Variants in PHF3 observed in about 807,000 individuals in gnomAD.
PHF3 encodes the protein PHD finger protein 3.
Under a neutral mutation model 178.4 loss-of-function variants are expected in PHF3, and 41 were observed. The ratio of observed to expected loss-of-function variants is 0.23; its 90% CI spans 0.18 to 0.30. PHF3 has a LOEUF of 0.30. PHF3 is among the 10% of genes least tolerant of loss of function. The pLI is 1.00. For synonymous variants in PHF3, 842 were observed against 800.5 expected, an observed-to-expected ratio of 1.05 and a Z score of -0.88; for missense variants, 2,346 against 2,398.1, an observed-to-expected ratio of 0.98 and a Z score of 0.45.
chr6:63,650,138 C>G (rs1033053862), intron 2 of PHF3, among the ~76,000 whole-genome samples: 1 of 152,114 alleles, frequency 6.6e-6, no homozygotes, highest in Non-Finnish European at 1.5e-5. Flanking sequence ...TATAGTTCAA[C>G]ATTGTTTTAA....
At position 63,713,019 on chromosome 6, in the gene PHF3, A is replaced by G. The variant is rs769564586; in HGVS notation, c.5431A>G (p.Ser1811Gly). Reference protein sequence around the residue: ...QQPNLQHLKSSPPGFPFPGPP... With the variant: ...QQPNLQHLKSGPPGFPFPGPP... The stretch of plus-strand genomic sequence containing the variant: ...GCCCAACCTTCAGCATCTCAAGTCT[A>G]GCCCACCTGGATTTCCATTTCCAGG... The change falls in exon 16 of 16, where the codon AGC (serine) becomes GGC (glycine). Residue 1811 changes from serine (S) to glycine (G), a missense_variant. Ser to Gly is a moderately conservative substitution (Grantham distance 56). This residue lies in a region of PHF3 where 839 missense variants were observed against 806.9 expected (regional missense o/e 1.04). Transcript: ENST00000262043. The G allele has an allele frequency of 4.3e-6, 7 of 1,614,008 alleles. No individual in the cohort carries two copies. The South Asian group carries it at 6.6e-5, about 15-fold the overall frequency.
chr6:63,720,355 A>G lies in PHF3; in HGVS notation c.*6647A>G, dbSNP rs946730344. The G allele has an allele frequency of 1.4e-5, 6 of 428,068 alleles. No individual in the cohort carries two copies. Among genetic ancestry groups the G allele is most frequent in the Admixed American group, 3.9e-5 (1 of 25,430 alleles). The allele number at this position is 428,068 out of a possible 1,614,324, so 26.5% of individuals were successfully genotyped here. ...CAAAGTGAATAAGCACATTCTGTGAATAAGCACTGAACTAATGGAGTTAAA... is the reference window on the plus strand; with the variant it reads ...CAAAGTGAATAAGCACATTCTGTGAGTAAGCACTGAACTAATGGAGTTAAA... On this transcript the variant is annotated 3_prime_UTR_variant, in exon 16 of 16. Coordinates refer to ENST00000262043, the MANE Select transcript of PHF3 (RefSeq NM_001370348.2).
chr6:63,700,344 T>C lies in PHF3; in HGVS notation c.2983-6T>C. 1 of 1,387,692 alleles carries C rather than the reference T, an allele frequency of 7.2e-7. No individual in the cohort carries two copies. Among genetic ancestry groups the C allele is most frequent in the Non-Finnish European group, 1.0e-6 (1 of 986,632 alleles). The allele number at this position is 1,387,692 out of a possible 1,614,324, so 86.0% of individuals were successfully genotyped here. ...CCCTTCTATTCCTATTTTAAAATCC[T>C]TCCAGATATTATTTAAAAAAGTACT... On this transcript the variant is annotated splice_polypyrimidine_tract_variant and splice_region_variant and intron_variant, in intron 8 of 15. Coordinates refer to ENST00000262043, the MANE Select transcript of PHF3 (RefSeq NM_001370348.2).
chr6:63,680,160 A>G lies in PHF3; in HGVS notation c.405A>G (p.Gln135=). The G allele has an allele frequency of 6.2e-7, 1 of 1,600,248 alleles. No homozygotes were observed. The highest frequency in any genetic ancestry group is 8.5e-7 in the Non-Finnish European group (1 of 1,174,684). ...SPRKSPRLMA[Q]EQVRSLRQST... is the part of the protein sequence containing the mutation. ...GAAAATCACCTCGTTTAATGGCACAAGGTAATCCTTTGAGAGAGGTCTAGC... is the reference window on the plus strand; with the variant it reads ...GAAAATCACCTCGTTTAATGGCACAGGGTAATCCTTTGAGAGAGGTCTAGC... Residue 135 remains glutamine (Q), a splice_region_variant and synonymous_variant, in exon 3 of 16, where the codon CAA becomes CAG. Transcript: ENST00000262043.
chr6:63,696,211 TAA>T (rs971500599), intron 6 of PHF3, among the ~76,000 whole-genome samples: 1 of 152,216 alleles, frequency 6.6e-6, no homozygotes, highest in Admixed American at 6.5e-5. Context: ...GCATTTCATA[TAA>T]GGGCATACTC....
rs1016720391 is a variant in PHF3, at chr6:63,651,782, A to G, written c.244+4987A>G. 1.5e-4 allele frequency among the ~76,000 whole-genome samples: 23 copies of G among 152,200 alleles called. No individual in the cohort carries two copies. In the South Asian group the frequency reaches 2.3e-3, roughly 15 times the overall value. ...GTGTGAGCTCAACTCTTTTGCTGCT[A>G]TATATGAGTGAGAGCATGCGGTATT... On this transcript the variant is annotated intron_variant, in intron 2 of 15. Transcript: ENST00000262043.
intron 2 of PHF3, among the ~76,000 whole-genome samples, chr6:63,677,185 C>T (rs534923362): frequency 5.3e-5 from 8 of 152,154 alleles, no homozygotes; most frequent in East Asian, 1.9e-4. Context: ...TCATGAGCTT[C>T]GGGCTGGAGA....
At chr6:63,687,059 T>G (rs542472028) in intron 4 of PHF3, among the ~76,000 whole-genome samples, 1 of 152,332 alleles carries the variant, frequency 6.6e-6, no homozygotes, top group South Asian at 2.1e-4. Flanking sequence ...AGTTGTCACT[T>G]GTTTGAATAC....
chr6:63,688,525 G>A (rs988381373), intron 4 of PHF3, among the ~76,000 whole-genome samples: 5 of 150,640 alleles, frequency 3.3e-5, no homozygotes, highest in African/African-American at 1.2e-4. Flanking sequence ...TGTAGAGATG[G>A]GGTTTCACCG....
At position 63,721,308 on chromosome 6, in the gene PHF3, T is replaced by A; in HGVS notation, c.*7600T>A. 1 of 1,552,006 alleles carries A rather than the reference T, an allele frequency of 6.4e-7. No individual in the cohort carries two copies. Among genetic ancestry groups the A allele is most frequent in the Non-Finnish European group, 8.7e-7 (1 of 1,146,998 alleles). ...ACAGGACACAGACTGGTTACATGTA[T>A]TTCCAGCCCAATCTGGCAAACATCT... On this transcript the variant is annotated 3_prime_UTR_variant, in exon 16 of 16. Coordinates refer to ENST00000262043, the MANE Select transcript of PHF3 (RefSeq NM_001370348.2).
At position 63,685,705 on chromosome 6, in the gene PHF3, G is replaced by A. The variant is rs1766666921; in HGVS notation, c.1983G>A (p.Leu661=). ...AGCATTTTAAGGAAGAGGATAAACT[G>A]AAACTGAAAAAACCTGAGAAGAACC... ...GVEHFKEEDK[L]KLKKPEKNLQ... Residue 661 remains leucine, a synonymous_variant, in exon 4 of 16, where the codon CTG becomes CTA. Coordinates refer to ENST00000262043, the MANE Select transcript of PHF3 (RefSeq NM_001370348.2). The A allele has an allele frequency of 5.0e-6, 8 of 1,613,936 alleles. No homozygotes were observed. Among genetic ancestry groups the A allele is most frequent in the Admixed American group, 1.7e-5 (1 of 59,986 alleles).
chr6:63,700,219 G>C, intron 8 of PHF3, 131 bp from the exon 9 acceptor site: 1 of 507,824 alleles, frequency 2.0e-6, no homozygotes, highest in Non-Finnish European at 3.6e-6. Context: ...TCTCTGTGTA[G>C]TAGGTAATAT....
Position 63,715,687 on chromosome 6 carries a change from C to T in PHF3, c.*1979C>T, listed in dbSNP as rs1316598754. Among the ~76,000 whole-genome samples, 1 of 152,068 alleles carries T rather than the reference C, an allele frequency of 6.6e-6. No homozygotes were observed. Among genetic ancestry groups the T allele is most frequent in the Non-Finnish European group, 1.5e-5 (1 of 68,028 alleles). On this transcript the variant is annotated 3_prime_UTR_variant, in exon 16 of 16. Transcript: ENST00000262043. ...AAATAGGCAAGGCCCATATAGCTTTCTATTAGGGATGAGCATCTCCAGGGG... is the reference window on the plus strand; with the variant it reads ...AAATAGGCAAGGCCCATATAGCTTTTTATTAGGGATGAGCATCTCCAGGGG...
intron 2 of PHF3, among the ~76,000 whole-genome samples, chr6:63,677,461 G>A (rs1156852309): frequency 6.6e-5 from 10 of 152,166 alleles, no homozygotes; most frequent in Admixed American, 6.5e-4. Context: ...AGAGGAATCA[G>A]CTGTGTCAGA....
intron 9 of PHF3, among the ~76,000 whole-genome samples, chr6:63,701,639 G>C (rs553403799): frequency 6.6e-6 from 1 of 152,154 alleles, no homozygotes; most frequent in African/African-American, 2.4e-5. Flanking sequence ...ACCTATGCCA[G>C]ATCTAGTTTG....
intron 2 of PHF3, among the ~76,000 whole-genome samples, chr6:63,651,163 T>C (rs1390513327): frequency 6.6e-6 from 1 of 152,200 alleles, no homozygotes; most frequent in Non-Finnish European, 1.5e-5. Context: ...TTTTTATGCA[T>C]GTGTACAATA....
intron 2 of PHF3, among the ~76,000 whole-genome samples, chr6:63,659,938 T>G (rs866557609): frequency 2.6e-5 from 4 of 152,230 alleles, no homozygotes; most frequent in African/African-American, 9.6e-5. Context: ...AAATTTTTTT[T>G]GCCTTCAAGT....
intron 2 of PHF3, among the ~76,000 whole-genome samples, chr6:63,655,672 T>C (rs1378001386): frequency 2.0e-5 from 3 of 152,266 alleles, no homozygotes; most frequent in Non-Finnish European, 2.9e-5. Context: ...ATATGCAATA[T>C]AGCTTAAAAG....
At chr6:63,701,192 TAA>T (rs1365627800) in intron 9 of PHF3, among the ~76,000 whole-genome samples, 2 of 152,146 alleles carry the variant, frequency 1.3e-5, no homozygotes, top group African/African-American at 4.8e-5. Flanking sequence ...CCCTGAAAAA[TAA>T]AGTTATTTTC....
Sources: gnomAD v4.1 joint callset for allele counts (sites outside exome capture counted in the v4.1 genomes callset) on GRCh38, gnomAD v4.1.1 for gene constraint, gnomAD v4.1.1 regional missense constraint, MANE v1.5 for transcripts, NCBI Gene and HGNC (gene_info 2026-07-23, HGNC 2026-07-21) for gene names.